Variants in WWOX observed in about 807,000 individuals in gnomAD.
WWOX encodes the protein WW domain containing oxidoreductase, also known as WW domain-containing oxidoreductase.
WWOX carries 69 observed loss-of-function variants against 46.2 expected under a neutral mutation model. The ratio of observed to expected loss-of-function variants is 1.49; its 90% CI spans 1.23 to 1.82. The LOEUF is 1.82. Among genes scored for constraint, WWOX ranks in the 40% most tolerant of loss-of-function variants. WWOX has a pLI of 0.00. For missense variants in WWOX, 919 were observed against 542.6 expected, an observed-to-expected ratio of 1.69 and a Z score of -6.89; for synonymous variants, 359 against 202.6, an observed-to-expected ratio of 1.77 and a Z score of -6.56.
rs1390665379 is a variant in WWOX, at chr16:79,159,769, T to A, written c.1057-51839T>A. Among the ~76,000 whole-genome samples, 3 of 152,352 alleles carry A rather than the reference T, an allele frequency of 2.0e-5. No homozygotes were observed. The East Asian group carries it at 5.8e-4, about 29-fold the overall frequency. ...CAAATTTACTCAGTCGAGAAAAATT[T>A]GTGGAGTGCGAATTCTCCTCATGCT... On this transcript the variant is annotated intron_variant, in intron 8 of 8. Transcript: ENST00000566780.
intron 8 of WWOX, among the ~76,000 whole-genome samples, chr16:78,840,637 C>T (rs369861715): frequency 7.4e-4 from 112 of 151,648 alleles, no homozygotes; most frequent in African/African-American, 2.5e-3. Context: ...CATAAATCAC[C>T]GAGGGATCTT....
Position 78,945,128 on chromosome 16 carries a change from C to T in WWOX, c.1057-266480C>T, listed in dbSNP as rs113987429. Among the ~76,000 whole-genome samples the T allele has an allele frequency of 3.2e-3, 479 of 152,034 alleles. 1 individual carries two copies. The highest frequency in any genetic ancestry group is 4.6e-3 in the Non-Finnish European group (315 of 67,984). Reference sequence around the variant, plus strand: ...CTGGGATATCAAGGCTACAGTGAGCCGAGACCGCACCTCTGGAGTCCACCC... The same window carrying T: ...CTGGGATATCAAGGCTACAGTGAGCTGAGACCGCACCTCTGGAGTCCACCC... On this transcript the variant is annotated intron_variant, in intron 8 of 8. Coordinates refer to ENST00000566780, the MANE Select transcript of WWOX (RefSeq NM_016373.4).
At chr16:78,164,133 C>T in intron 4 of WWOX, 50 bp from the exon 5 acceptor site, 1 of 1,515,184 alleles carries the variant, frequency 6.6e-7, no homozygotes, top group Non-Finnish European at 9.1e-7. Context: ...CAACATGACT[C>T]ACTGTGTTGA....
intron 6 of WWOX, among the ~76,000 whole-genome samples, chr16:78,414,237 C>G (rs2151951988): frequency 6.6e-6 from 1 of 152,204 alleles, no homozygotes; most frequent in South Asian, 2.1e-4. Context: ...TTGCTGACCC[C>G]TTTTTCAAAC....
At chr16:78,889,964 C>G (rs142574328) in intron 8 of WWOX, among the ~76,000 whole-genome samples, 6 of 152,242 alleles carry the variant, frequency 3.9e-5, no homozygotes, top group Non-Finnish European at 5.9e-5. Flanking sequence ...TATGTCTCTT[C>G]TTTCAGAAAA....
chr16:78,874,052 G>A (rs1427410155), intron 8 of WWOX, among the ~76,000 whole-genome samples: 4 of 151,722 alleles, frequency 2.6e-5, no homozygotes, highest in Non-Finnish European at 5.9e-5. Context: ...ACAAGGTCAG[G>A]AGTTTGAAAC....
At chr16:78,553,954 C>T (rs953502962) in intron 8 of WWOX, among the ~76,000 whole-genome samples, 3 of 152,018 alleles carry the variant, frequency 2.0e-5, no homozygotes, top group African/African-American at 7.3e-5. Flanking sequence ...GGGTGTCATA[C>T]AGCAGAGGGC....
At chr16:78,589,860 G>A (rs1175804980) in intron 8 of WWOX, among the ~76,000 whole-genome samples, 2 of 152,090 alleles carry the variant, frequency 1.3e-5, no homozygotes, top group East Asian at 3.9e-4. Flanking sequence ...CTTCTTAGCT[G>A]CAAGGGGGGA....
At chr16:78,520,890 GC>G (rs1248482504) in intron 8 of WWOX, among the ~76,000 whole-genome samples, 1 of 152,138 alleles carries the variant, frequency 6.6e-6, no homozygotes, top group Non-Finnish European at 1.5e-5. Context: ...TTTACATTTT[GC>G]CATGGTGTTA....
chr16:78,582,109 C>T (rs1261633797), intron 8 of WWOX, among the ~76,000 whole-genome samples: 1 of 152,216 alleles, frequency 6.6e-6, no homozygotes, highest in Non-Finnish European at 1.5e-5. Flanking sequence ...CTATAATCGG[C>T]ACTCATTATC....
chr16:78,862,645 A>C (rs2043915719), intron 8 of WWOX, among the ~76,000 whole-genome samples: 1 of 152,126 alleles, frequency 6.6e-6, no homozygotes, highest in South Asian at 2.1e-4. Context: ...GGAGATAAAA[A>C]GGCATCAGTT....
chr16:78,935,354 C>T (rs778460608), intron 8 of WWOX, among the ~76,000 whole-genome samples: 2 of 152,260 alleles, frequency 1.3e-5, no homozygotes, highest in African/African-American at 4.8e-5. Flanking sequence ...GGAACCAACT[C>T]AGATGTTCAT....
At chr16:78,130,583 C>G (rs1181432022) in intron 4 of WWOX, among the ~76,000 whole-genome samples, 1 of 152,206 alleles carries the variant, frequency 6.6e-6, no homozygotes, top group Admixed American at 6.5e-5. Flanking sequence ...GGCTGACCCC[C>G]TGTAGGCAGG....
rs550421348 is a variant in WWOX at position 78,492,606 on chromosome 16, T to A, written c.1056+59854T>A. ...AGGAGATATTCATGGAATCACTGTTTCTCCTCCTTTTCAAAGAAGACTGAA... is the reference window on the plus strand; with the variant it reads ...AGGAGATATTCATGGAATCACTGTTACTCCTCCTTTTCAAAGAAGACTGAA... On this transcript the variant is annotated intron_variant, in intron 8 of 8. Transcript: ENST00000566780. 3.3e-5 allele frequency among the ~76,000 whole-genome samples: 5 copies of A among 152,270 alleles called. No individual in the cohort carries two copies. In the South Asian group the frequency reaches 1.0e-3, roughly 32 times the overall value.
At chr16:78,507,997 CGTGT>C (rs959701013) in intron 8 of WWOX, among the ~76,000 whole-genome samples, 480 of 31,012 alleles carry the variant, frequency 0.015, 2 homozygotes, top group African/African-American at 0.019. Context: ...TGGTTGCGTG[CGTGT>C]GTGTGTGTGT....
At chr16:78,128,246 G>T (rs1227883581) in intron 4 of WWOX, among the ~76,000 whole-genome samples, 2 of 152,034 alleles carry the variant, frequency 1.3e-5, no homozygotes, top group East Asian at 3.9e-4. Context: ...TCTTCTTCAG[G>T]GTTTACGAAG....
chr16:78,469,394 G>A (rs2084166858), intron 8 of WWOX, among the ~76,000 whole-genome samples: 1 of 151,818 alleles, frequency 6.6e-6, no homozygotes, highest in Non-Finnish European at 1.5e-5. Context: ...TCTCTTCACA[G>A]GAGCACTTGG....
chr16:78,608,557 C>A (rs530087255), intron 8 of WWOX, among the ~76,000 whole-genome samples: 1 of 152,136 alleles, frequency 6.6e-6, no homozygotes, highest in Non-Finnish European at 1.5e-5. Flanking sequence ...GCAGAAATGC[C>A]CAGAAAGAGT....
chr16:78,155,942 G>T (rs1037112367), intron 4 of WWOX, among the ~76,000 whole-genome samples: 2 of 152,214 alleles, frequency 1.3e-5, no homozygotes, highest in African/African-American at 4.8e-5. Context: ...TACTATAAAA[G>T]TGTTATTGTC....
Sources: gnomAD v4.1 joint callset for allele counts (sites outside exome capture counted in the v4.1 genomes callset) on GRCh38, gnomAD v4.1.1 for gene constraint, MANE v1.5 for transcripts, NCBI Gene and HGNC (gene_info 2026-07-23, HGNC 2026-07-21) for gene names.